Variants in RBM25 observed in about 807,000 individuals in gnomAD.
RBM25 encodes RNA-binding protein 25.
Under a neutral mutation model 120.7 loss-of-function variants are expected in RBM25, and 19 were observed. The ratio of observed to expected loss-of-function variants is 0.16; its 90% confidence interval spans 0.11 to 0.23. The LOEUF (loss-of-function observed/expected upper bound fraction) is 0.23. Among genes scored for constraint, RBM25 ranks in the 10% least tolerant of loss-of-function variants. RBM25 has a pLI of 1.00. For synonymous variants in RBM25, 390 were observed against 326.7 expected (o/e 1.19, Z -2.09); for missense variants, 605 against 1,041.5 (o/e 0.58, Z 5.77).
Position 73,063,586 on chromosome 14 carries a change from A to G in RBM25, c.-16+4881A>G, listed in dbSNP as rs189128252. Among the ~76,000 whole-genome samples, 36 of 151,614 alleles carry G rather than the reference A, an allele frequency of 2.4e-4. 1 individual carries two copies. Among genetic ancestry groups the G allele is most frequent in the African/African-American group, 8.4e-4 (35 of 41,482 alleles). ...CATTTCTCTCTTTTAAATCCCACAT[A>G]TTATACAATCCCTCAGCAAATCCTA... On this transcript the variant is annotated intron_variant, in intron 1 of 18. Transcript: ENST00000261973.
intron 9 of RBM25, chr14:73,100,836 C>T (rs989478315): frequency 9.8e-5 from 15 of 152,320 alleles, no homozygotes; most frequent in African/African-American, 3.6e-4. Context: ...ACATAATTCT[C>T]CCAAAATTAA....
intron 1 of RBM25, among the ~76,000 whole-genome samples, chr14:73,070,915 C>T (rs1895272402): frequency 6.7e-6 from 1 of 148,646 alleles, no homozygotes; most frequent in African/African-American, 2.5e-5. Context: ...CCACTGCACT[C>T]CAGCCTGGCG....
At chr14:73,098,484 A>G (rs1895995284) in intron 7 of RBM25, among the ~76,000 whole-genome samples, 1 of 152,100 alleles carries the variant, frequency 6.6e-6, no homozygotes, top group South Asian at 2.1e-4. Context: ...CGTGGTATAT[A>G]TATTATGATT....
intron 18 of RBM25, among the ~76,000 whole-genome samples, chr14:73,116,117 T>C (rs1410772450): frequency 6.7e-6 from 1 of 148,898 alleles, no homozygotes; most frequent in Non-Finnish European, 1.5e-5. Flanking sequence ...CCACAAGTCA[T>C]TCCTGTGGAG....
intron 18 of RBM25, 130 bp downstream of exon 18, chr14:73,114,463 C>T: frequency 1.8e-6 from 1 of 560,020 alleles, no homozygotes; most frequent in Non-Finnish European, 3.0e-6. Flanking sequence ...CTTAAGTGAT[C>T]CTCCTGCCTC....
chr14:73,063,394 C>T (rs1895051528), intron 1 of RBM25, among the ~76,000 whole-genome samples: 1 of 151,132 alleles, frequency 6.6e-6, no homozygotes, highest in Admixed American at 6.6e-5. Flanking sequence ...CGTGATCCAC[C>T]CACCTCGGCC....
chr14:73,095,036 T>C (rs1428635720), intron 6 of RBM25, among the ~76,000 whole-genome samples: 2 of 148,782 alleles, frequency 1.3e-5, no homozygotes, highest in African/African-American at 5.0e-5. Context: ...TTTTGTATTT[T>C]TGGTAGATGG....
chr14:73,062,141 TC>T (rs2140418429), intron 1 of RBM25, among the ~76,000 whole-genome samples: 1 of 151,536 alleles, frequency 6.6e-6, no homozygotes, highest in South Asian at 2.1e-4. Flanking sequence ...GGAGTGTTGC[TC>T]TTTAATCATT....
chr14:73,094,910 G>A (rs1895906961), intron 6 of RBM25, among the ~76,000 whole-genome samples: 2 of 151,840 alleles, frequency 1.3e-5, no homozygotes, highest in East Asian at 3.9e-4. Flanking sequence ...AGGCTGGAAT[G>A]GAGCAGCATG....
chr14:73,093,877 G>C (rs1895872529), intron 6 of RBM25, among the ~76,000 whole-genome samples: 1 of 151,432 alleles, frequency 6.6e-6, no homozygotes, highest in African/African-American at 2.4e-5. Context: ...TCCAGAGATA[G>C]AGCTTTAGAT....
intron 4 of RBM25, among the ~76,000 whole-genome samples, chr14:73,080,726 C>CG (rs1566587033): frequency 6.6e-6 from 1 of 151,952 alleles, no homozygotes; most frequent in African/African-American, 2.4e-5. Context: ...TACAAGATGG[C>CG]GAACTTGATA....
rs895068639 is a variant in RBM25, at chr14:73,122,737, T to C, written c.*2932T>C. 7.9e-5 allele frequency: 12 copies of C among 152,168 alleles called. No individual in the cohort carries two copies. Among genetic ancestry groups the C allele is most frequent in the African/African-American group, 2.7e-4 (11 of 41,430 alleles). The allele number at this position is 152,168 out of a possible 1,614,324, so 9.4% of individuals were successfully genotyped here. ...TAAACTTTAATGTGACCCCAAATCA[T>C]CTGAGGAGTGCTTGTAGAAATAGAG... On this transcript the variant is annotated 3_prime_UTR_variant, in exon 19 of 19. Coordinates refer to ENST00000261973, the MANE Select transcript of RBM25 (RefSeq NM_021239.3).
At chr14:73,098,514 C>T (rs756345802) in intron 7 of RBM25, among the ~76,000 whole-genome samples, 19 of 152,146 alleles carry the variant, frequency 1.2e-4, no homozygotes, top group Non-Finnish European at 2.2e-4. Context: ...TGGATGGTTA[C>T]ATTTTATATT....
intron 6 of RBM25, among the ~76,000 whole-genome samples, chr14:73,094,622 G>A (rs992397310): frequency 1.3e-5 from 2 of 151,884 alleles, no homozygotes; most frequent in African/African-American, 2.4e-5. Flanking sequence ...TAGTAGAGAC[G>A]GGGTTTCACC....
At chr14:73,114,100 T>G (rs1218404693) in intron 17 of RBM25, among the ~76,000 whole-genome samples, 186 bp from the exon 18 acceptor site, 1 of 151,294 alleles carries the variant, frequency 6.6e-6, no homozygotes, top group Non-Finnish European at 1.5e-5. Context: ...CTATGGAGAT[T>G]AATATTCCAG....
intron 2 of RBM25, among the ~76,000 whole-genome samples, chr14:73,075,477 C>T (rs61985130): frequency 0.13 from 19,947 of 151,738 alleles, 1,361 homozygotes; most frequent in African/African-American, 0.15. Context: ...TTATTTTCTG[C>T]GAAAGAGCCA....
At position 73,108,049 on chromosome 14, in the gene RBM25, T is replaced by G. The variant is rs879180428; in HGVS notation, c.1541+150T>G. The G allele has an allele frequency of 1.6e-5, 10 of 633,242 alleles. No homozygotes were observed. In the South Asian group the frequency reaches 2.1e-4, roughly 13 times the overall value. 39.2% of individuals were successfully genotyped at this position (633,242 alleles called of 1,614,324 possible). ...ATTATTAATTCTATAGCTAATACACTGTTTTCGTTGGGAGAAAAGAGCTAT... is the reference window on the plus strand; with the variant it reads ...ATTATTAATTCTATAGCTAATACACGGTTTTCGTTGGGAGAAAAGAGCTAT... On this transcript the variant is annotated intron_variant, in intron 13 of 18. Transcript: ENST00000261973.
intron 2 of RBM25, among the ~76,000 whole-genome samples, chr14:73,075,835 G>A (rs1034063413): frequency 4.0e-5 from 6 of 150,326 alleles, no homozygotes; most frequent in South Asian, 2.1e-4. Flanking sequence ...TGTGGAGAAC[G>A]GGGTCTCACT....
chr14:73,117,083 T>TA (rs1353001626), intron 18 of RBM25, among the ~76,000 whole-genome samples: 2 of 152,128 alleles, frequency 1.3e-5, no homozygotes, highest in Admixed American at 1.3e-4. Flanking sequence ...GAATTAGTGT[T>TA]ACAACAGAGT....
Sources: allele counts gnomAD v4.1 joint callset (sites outside exome capture counted in the v4.1 genomes callset), GRCh38; gene constraint gnomAD v4.1.1; transcripts MANE v1.5; gene names NCBI Gene and HGNC (gene_info 2026-07-23, HGNC 2026-07-21).